Variants in CDKL3 observed in about 807,000 individuals in gnomAD.
CDKL3 encodes the protein cyclin-dependent kinase-like 3.
Under a neutral mutation model 69.3 loss-of-function variants are expected in CDKL3, and 65 were observed. The ratio of observed to expected loss-of-function variants is 0.94; its 90% CI spans 0.77 to 1.15. The LOEUF is 1.15. Ranked by LOEUF, CDKL3 falls within the 50% of genes most tolerant of loss-of-function variation. The pLI, the probability that CDKL3 is intolerant of heterozygous loss-of-function variation, is 0.00. For synonymous variants in CDKL3, 202 were observed against 221.6 expected, an observed-to-expected ratio of 0.91 and a Z score of 0.79; for missense variants, 652 against 689.2, an observed-to-expected ratio of 0.95 and a Z score of 0.61.
chr5:134,300,745 T>C (rs910885785), intron 12 of CDKL3, among the ~76,000 whole-genome samples: 1 of 152,172 alleles, frequency 6.6e-6, no homozygotes, highest in African/African-American at 2.4e-5. Flanking sequence ...AAGGGTCTTT[T>C]TTCCTGCAGA....
At chr5:134,370,088 T>C (rs1391751360), upstream of CDKL3, among the ~76,000 whole-genome samples, 2 of 152,168 alleles carry the variant, frequency 1.3e-5, no homozygotes, top group African/African-American at 2.4e-5. Flanking sequence ...AATTCAGGGT[T>C]TGAAGAAAGA....
chr5:134,297,283 T>C (rs1765408345), downstream of CDKL3, among the ~76,000 whole-genome samples: 1 of 152,150 alleles, frequency 6.6e-6, no homozygotes, highest in African/African-American at 2.4e-5. Flanking sequence ...CCTAGGAATT[T>C]AGAAAGTTGT....
downstream of CDKL3, chr5:134,298,213 C>G (rs932683049): frequency 2.3e-5 from 22 of 975,622 alleles, no homozygotes; most frequent in African/African-American, 3.9e-4. Flanking sequence ...GGATTACAGG[C>G]ATGAGCCATT....
At chr5:134,345,056 C>A (rs560214810) in intron 4 of CDKL3, among the ~76,000 whole-genome samples, 59 of 151,962 alleles carry the variant, frequency 3.9e-4, no homozygotes, top group Admixed American at 7.9e-4. Flanking sequence ...CAGAGAGAGA[C>A]TCTGTCTCAA....
chr5:134,298,623 T>A lies in CDKL3; in HGVS notation c.*28A>T. The A allele has an allele frequency of 1.2e-6, 2 of 1,601,022 alleles. No homozygotes were observed. The highest frequency in any genetic ancestry group is 1.7e-6 in the Non-Finnish European group (2 of 1,175,828). ...AAACGGGAAGAGTTGTCATCTTGTA[T>A]TTTTTGGACTATGTAAAAGAAAAGA... On this transcript the variant is annotated 3_prime_UTR_variant, in exon 13 of 13. Transcript: ENST00000265334.
At chr5:134,333,676 G>A (rs1296657384) in intron 4 of CDKL3, among the ~76,000 whole-genome samples, 4 of 152,192 alleles carry the variant, frequency 2.6e-5, no homozygotes, top group Non-Finnish European at 4.4e-5. Context: ...CTTGATCGTG[G>A]TGGATAAGCT....
chr5:134,287,353 A>C (rs1338147990), intron 8 of CDKL3, among the ~76,000 whole-genome samples: 1 of 152,202 alleles, frequency 6.6e-6, no homozygotes, highest in African/African-American at 2.4e-5. Context: ...TTTATTCTTC[A>C]AGGGGTGTTA....
At chr5:134,367,697 T>A (rs1757792101), upstream of CDKL3, among the ~76,000 whole-genome samples, 1 of 152,232 alleles carries the variant, frequency 6.6e-6, no homozygotes, top group African/African-American at 2.4e-5. Context: ...AATCAAAAAC[T>A]TTTCTTGAAC....
At chr5:134,290,378 AG>A (rs1348024002) in intron 8 of CDKL3, among the ~76,000 whole-genome samples, 1 of 149,078 alleles carries the variant, frequency 6.7e-6, no homozygotes, top group Non-Finnish European at 1.5e-5. Context: ...AAAAAAAAAA[AG>A]GGTTTGTCTT....
At position 134,319,470 on chromosome 5, in the gene CDKL3, A is replaced by G. The variant is rs1772160049; in HGVS notation, c.680T>C (p.Ile227Thr). The G allele has an allele frequency of 2.0e-6, 3 of 1,532,616 alleles. No individual in the cohort carries two copies. 94.9% of individuals were successfully genotyped at this position (1,532,616 alleles called of 1,614,324 possible). A position where few individuals can be genotyped will look rare whatever the true frequency, so the allele number is the denominator to read the frequency against. ...VGNLSPHLQNIFSKSPIFAGV... is the reference protein window; with the variant it reads ...VGNLSPHLQNTFSKSPIFAGV... The stretch of plus-strand genomic sequence containing the variant: ...AGCAAAAATGGGGCTCTTGGAAAAG[A>G]TATTCTGCAAGTGAGGTGACAAATT... The change falls in exon 6 of 13, where the codon ATC (isoleucine) becomes ACC (threonine). Residue 227 changes from isoleucine (I) to threonine (T), a missense_variant. By Grantham distance (89) the Ile-to-Thr change is moderately conservative. Transcript: ENST00000265334.
At chr5:134,324,298 G>A (rs1209749337) in intron 4 of CDKL3, among the ~76,000 whole-genome samples, 2 of 152,180 alleles carry the variant, frequency 1.3e-5, no homozygotes, top group Non-Finnish European at 2.9e-5. Context: ...TTCTAACAAA[G>A]CTAAACATAG....
chr5:134,308,831 G>T, intron 7 of CDKL3, 104 bp from the exon 8 acceptor site: 2 of 981,036 alleles, frequency 2.0e-6, no homozygotes, highest in Non-Finnish European at 1.4e-6. Context: ...TTCAGCTACA[G>T]CATAAATAAT....
chr5:134,364,075 C>T (rs1190103547), intron 2 of CDKL3, among the ~76,000 whole-genome samples: 1 of 150,850 alleles, frequency 6.6e-6, no homozygotes, highest in Non-Finnish European at 1.5e-5. Flanking sequence ...CAAACAAGAA[C>T]ATCTGCTGCA....
intron 4 of CDKL3, among the ~76,000 whole-genome samples, chr5:134,344,504 G>A (rs1001883676): frequency 6.6e-6 from 1 of 151,988 alleles, no homozygotes; most frequent in Non-Finnish European, 1.5e-5. Context: ...TTTCTCCAAG[G>A]ACAATATACA....
intron 4 of CDKL3, among the ~76,000 whole-genome samples, chr5:134,349,488 T>C (rs910011311): frequency 6.6e-6 from 1 of 152,272 alleles, no homozygotes; most frequent in Admixed American, 6.5e-5. Flanking sequence ...AATTTAAAAT[T>C]ATTTGCCAGT....
At chr5:134,357,262 G>A (rs902196660) in intron 3 of CDKL3, among the ~76,000 whole-genome samples, 2 of 151,848 alleles carry the variant, frequency 1.3e-5, no homozygotes, top group African/African-American at 4.8e-5. Flanking sequence ...TGACCAACAC[G>A]GTGAAACCCC....
At chr5:134,316,293 T>C (rs1028334137) in intron 6 of CDKL3, among the ~76,000 whole-genome samples, 5 of 152,092 alleles carry the variant, frequency 3.3e-5, no homozygotes, top group Admixed American at 2.6e-4. Flanking sequence ...AACAAATGCA[T>C]ATAGACAAAT....
At chr5:134,314,238 C>G (rs918633517) in intron 6 of CDKL3, among the ~76,000 whole-genome samples, 2 of 152,118 alleles carry the variant, frequency 1.3e-5, no homozygotes, top group Non-Finnish European at 2.9e-5. Flanking sequence ...TAATCTATCA[C>G]TAAAACTTAT....
chr5:134,358,487 AAC>A (rs1218264611), intron 3 of CDKL3, among the ~76,000 whole-genome samples: 1 of 152,188 alleles, frequency 6.6e-6, no homozygotes, highest in African/African-American at 2.4e-5. Flanking sequence ...ATACAAAGAT[AAC>A]ACCACTATTC....
Sources: gnomAD v4.1 joint callset for allele counts (sites outside exome capture counted in the v4.1 genomes callset) on GRCh38, gnomAD v4.1.1 for gene constraint, MANE v1.5 for transcripts, NCBI Gene and HGNC (gene_info 2026-07-23, HGNC 2026-07-21) for gene names.